ATP1B2: variants seen among roughly 807,000 people sequenced by gnomAD.
ATP1B2 encodes the protein ATPase Na+/K+ transporting subunit beta 2.
Under a neutral mutation model 37.3 loss-of-function variants are expected in ATP1B2, and 12 were observed. That is an observed-to-expected ratio of 0.32 (90% CI 0.21 to 0.52). The LOEUF is 0.52. Among genes scored for constraint, ATP1B2 ranks in the 20% least tolerant of loss-of-function variants. The pLI is 0.96. For missense variants in ATP1B2, 324 were observed against 391.6 expected, an observed-to-expected ratio of 0.83 and a Z score of 1.46; for synonymous variants, 139 against 140.5, an observed-to-expected ratio of 0.99 and a Z score of 0.07.
intron 2 of ATP1B2, 138 bp from the exon 3 acceptor site, chr17:7,653,703 G>A (rs2072628927): frequency 8.1e-7 from 1 of 1,232,952 alleles, no homozygotes; most frequent in South Asian, 1.4e-5. Context: ...ATAGCCACAG[G>A]AGATCACCCT....
rs2072649963 is a variant in ATP1B2 at position 7,656,093 on chromosome 17, C to T, written c.*198C>T. 1 of 684,468 alleles carries T rather than the reference C, an allele frequency of 1.5e-6. No individual in the cohort carries two copies. The highest frequency in any genetic ancestry group is 1.9e-5 in the South Asian group (1 of 51,858). The allele number at this position is 684,468 out of a possible 1,614,324, so 42.4% of individuals were successfully genotyped here. ...TTCCGTCACTCGCCTTTCCCACCAACTTCTCCCAACCTCAGATCAGTCAGA... is the reference window on the plus strand; with the variant it reads ...TTCCGTCACTCGCCTTTCCCACCAATTTCTCCCAACCTCAGATCAGTCAGA... On this transcript the variant is annotated 3_prime_UTR_variant, in exon 7 of 7. Transcript: ENST00000250111.
chr17:7,651,341 C>G lies in ATP1B2; in HGVS notation c.-178C>G. 1.6e-6 allele frequency: 1 copy of G among 606,100 alleles called. No homozygotes were observed. 37.5% of individuals were successfully genotyped at this position (606,100 alleles called of 1,614,324 possible). A position where few individuals can be genotyped will look rare whatever the true frequency, so the allele number is the denominator to read the frequency against. The stretch of plus-strand genomic sequence containing the variant: ...ATCTTCCGCCGCGCTGCCAGCACCC[C>G]GCAGCGCGTGGTCGTGCACCCCGGA... On this transcript the variant is annotated 5_prime_UTR_variant, in exon 1 of 7. Coordinates refer to ENST00000250111, the MANE Select transcript of ATP1B2 (RefSeq NM_001678.5).
upstream of ATP1B2, among the ~76,000 whole-genome samples, chr17:7,650,603 T>G (rs769395698): frequency 5.3e-5 from 8 of 152,170 alleles, no homozygotes; most frequent in Non-Finnish European, 1.2e-4. Flanking sequence ...ACTCCCTGCC[T>G]GGGGCCCCCA....
chr17:7,651,657 G>T (rs1044930489), intron 1 of ATP1B2, 27 bp downstream of exon 1: 7 of 1,559,916 alleles, frequency 4.5e-6, no homozygotes, highest in Non-Finnish European at 6.1e-6. Context: ...CGCAAGGGGC[G>T]GGGGAAAGCC....
In ATP1B2 at chr17:7,652,222, G is replaced by A. The variant is rs577955508; in HGVS notation, c.112+592G>A. Among the ~76,000 whole-genome samples, 19 of 152,226 alleles carry A rather than the reference G, an allele frequency of 1.2e-4. No homozygotes were observed. In the South Asian group the frequency reaches 3.1e-3, roughly 25 times the overall value. ...TTTTGCTCCCATGTCGGTGACGGAG[G>A]GAGGAGTGGTCGCTGTGGTGATTTG... On this transcript the variant is annotated intron_variant, in intron 1 of 6. Transcript: ENST00000250111.
rs778329936 is a variant in ATP1B2 at position 7,651,644 on chromosome 17, G to T, written c.112+14G>T. On this transcript the variant is annotated intron_variant, in intron 1 of 6. Coordinates refer to ENST00000250111, the MANE Select transcript of ATP1B2 (RefSeq NM_001678.5). ...GGACCAGCTGGGGTACGCAGGGCCG[G>T]CACGCAAGGGGCGGGGGAAAGCCGC... The T allele has an allele frequency of 3.8e-6, 6 of 1,579,072 alleles. 1 individual carries two copies. The South Asian group carries it at 6.9e-5, about 18-fold the overall frequency.
In ATP1B2 at chr17:7,654,356, AAG is replaced by A. The variant is rs1483605332; in HGVS notation, c.552+101_552+102del. ...TTCACTGGGGCTAATGGGCATGAGAAAGACTTGGATGTTTGTGTAGCTGAGAG... is the reference window on the plus strand; with the variant it reads ...TTCACTGGGGCTAATGGGCATGAGAAACTTGGATGTTTGTGTAGCTGAGAG... On this transcript the variant is annotated intron_variant, in intron 4 of 6. Transcript: ENST00000250111. This position sits in a 1 kb window ranked among gnomAD's most constrained non-coding sequence, Gnocchi z 4.9. 4 of 1,375,108 alleles carry A rather than the reference AAG, an allele frequency of 2.9e-6. No individual in the cohort carries two copies. Among genetic ancestry groups the A allele is most frequent in the Non-Finnish European group, 3.1e-6 (3 of 979,924 alleles). The allele number at this position is 1,375,108 out of a possible 1,614,324, so 85.2% of individuals were successfully genotyped here. A position where few individuals can be genotyped will look rare whatever the true frequency, so the allele number is the denominator to read the frequency against.
rs764180280 is a variant in ATP1B2 at position 7,654,243 on chromosome 17, A to C, written c.538A>C (p.Ile180Leu). The C allele has an allele frequency of 8.7e-6, 14 of 1,613,984 alleles. 1 individual carries two copies. The highest frequency in any genetic ancestry group is 6.7e-5 in the African/African-American group (5 of 75,052). Residue 180 changes from isoleucine to leucine, a missense_variant, in exon 4 of 7, where the codon ATC becomes CTC. Physicochemically the swap from Ile to Leu is conservative, Grantham distance 5. Coordinates refer to ENST00000250111, the MANE Select transcript of ATP1B2 (RefSeq NM_001678.5). The surrounding 1 kb of genome is among the most constrained non-coding windows in gnomAD (Gnocchi z 4.9). ...GYSTGQPCVF[I>L]KMNRVINFYA... The stretch of plus-strand genomic sequence containing the variant: ...CAGCACTGGGCAGCCCTGTGTCTTC[A>C]TCAAGATGAACCGGGTATCTATGAC...
In ATP1B2 at chr17:7,653,458, T is replaced by C. The variant is rs370988866; in HGVS notation, c.197T>C (p.Val66Ala). 5 of 1,613,926 alleles carry C rather than the reference T, an allele frequency of 3.1e-6. No homozygotes were observed. The African/African-American group carries it at 6.7e-5, about 22-fold the overall frequency. The change falls in exon 2 of 7, where the codon GTC becomes GCC. Residue 66 changes from valine (V) to alanine (A), a missense_variant. By Grantham distance (64) the Val-to-Ala change is moderately conservative. Transcript: ENST00000250111. ...TLTMWVMLQT[V>A]SDHTPKYQDR... ...ACCATGTGGGTGATGCTGCAGACTGTCTCCGACCATACCCCCAAGTACCAG... is the reference window on the plus strand; with the variant it reads ...ACCATGTGGGTGATGCTGCAGACTGCCTCCGACCATACCCCCAAGTACCAG...
intron 1 of ATP1B2, among the ~76,000 whole-genome samples, chr17:7,652,372 CG>C (rs2072620179): frequency 6.6e-6 from 1 of 151,788 alleles, no homozygotes. Flanking sequence ...GTCTGGTGAC[CG>C]GCACAGGTGC....
rs2072626224 is a variant in ATP1B2 at position 7,653,399 on chromosome 17, T to C, written c.138T>C (p.Val46=). 6.2e-7 allele frequency: 1 copy of C among 1,613,976 alleles called. No homozygotes were observed. Among genetic ancestry groups the C allele is most frequent in the Admixed American group, 1.7e-5 (1 of 59,992 alleles). ...SWAFILLFYL[V]FYGFLTAMFT... ...CCTTTATCCTCCTCTTCTACCTCGT[T>C]TTTTATGGGTTCCTCACCGCCATGT... is the stretch of plus-strand genomic sequence containing the variant. The change falls in exon 2 of 7, where the codon GTT becomes GTC. Residue 46 remains valine, a synonymous_variant. Coordinates refer to ENST00000250111, the MANE Select transcript of ATP1B2 (RefSeq NM_001678.5).
chr17:7,653,013 C>T (rs2072623866), intron 1 of ATP1B2, among the ~76,000 whole-genome samples: 1 of 152,140 alleles, frequency 6.6e-6, no homozygotes. Context: ...TAAAAGGCAC[C>T]ATGCTAGCAC....
Position 7,655,987 on chromosome 17 carries a change from T to C in ATP1B2, c.*92T>C, listed in dbSNP as rs181414828. 1.7e-5 allele frequency: 26 copies of C among 1,506,578 alleles called. No homozygotes were observed. The highest frequency in any genetic ancestry group is 4.1e-5 in the African/African-American group (3 of 72,754). 93.3% of individuals were successfully genotyped at this position (1,506,578 alleles called of 1,614,324 possible). A position where few individuals can be genotyped will look rare whatever the true frequency, so the allele number is the denominator to read the frequency against. ...CCCTCCCTCACCCACCCCAAAGGTA[T>C]TTTTGATAACAGAGCTATGACTTGT... On this transcript the variant is annotated 3_prime_UTR_variant, in exon 7 of 7. Transcript: ENST00000250111. This position sits in a 1 kb window ranked among gnomAD's most constrained non-coding sequence, Gnocchi z 4.4.
At chr17:7,647,099 CAAAAAAAAAAA>C (rs34937578), upstream of ATP1B2, among the ~76,000 whole-genome samples, 1 of 78,312 alleles carries the variant, frequency 1.3e-5, no homozygotes, top group Non-Finnish European at 2.6e-5. Flanking sequence ...GAGACTATCT[CAAAAAAAAAAA>C]AAAAAAAAAA....
At chr17:7,647,744 G>A (rs1450413859), upstream of ATP1B2, among the ~76,000 whole-genome samples, 4 of 151,998 alleles carry the variant, frequency 2.6e-5, no homozygotes, top group Non-Finnish European at 5.9e-5. Flanking sequence ...GCTTGAACCC[G>A]GGAGGTGGAA....
At position 7,654,437 on chromosome 17, in the gene ATP1B2, G is replaced by A. The variant is rs2072636097; in HGVS notation, c.552+180G>A. On this transcript the variant is annotated intron_variant, in intron 4 of 6. Transcript: ENST00000250111. This position sits in a 1 kb window ranked among gnomAD's most constrained non-coding sequence, Gnocchi z 4.9. ...AAGCTCTGCAGTTAGAAGGCTGGAT[G>A]CCTTTTGTTTTTTTTTTAGACAGGG... is the stretch of plus-strand genomic sequence containing the variant. 6.6e-6 allele frequency among the ~76,000 whole-genome samples: 1 copy of A among 151,982 alleles called. No homozygotes were observed. The highest frequency in any genetic ancestry group is 1.5e-5 in the Non-Finnish European group (1 of 68,014).
intron 1 of ATP1B2, among the ~76,000 whole-genome samples, chr17:7,652,803 G>A (rs1232632326): frequency 1.3e-5 from 2 of 152,136 alleles, no homozygotes; most frequent in African/African-American, 2.4e-5. Context: ...CTGAGGGTGG[G>A]GTGACTGTTG....
intron 1 of ATP1B2, 66 bp downstream of exon 1, chr17:7,651,696 C>A: frequency 7.1e-7 from 1 of 1,400,548 alleles, no homozygotes; most frequent in South Asian, 1.3e-5. Context: ...GGCGCAGGGT[C>A]CCGCCGACGC....
At position 7,654,628 on chromosome 17, in the gene ATP1B2, G is replaced by A. The variant is rs2072637338; in HGVS notation, c.553G>A (p.Val185Ile). ...QPCVFIKMNR[V>I]INFYAGANQS... ...TCTTCACCTTCCACCCTCACTCCAG[G>A]TCATCAACTTCTATGCAGGAGCAAA... is the stretch of plus-strand genomic sequence containing the variant. The change falls in exon 5 of 7, where the codon GTC (valine) becomes ATC (isoleucine). Residue 185 changes from valine to isoleucine, a missense_variant and splice_region_variant. By Grantham distance (29) the Val-to-Ile change is conservative. Coordinates refer to ENST00000250111, the MANE Select transcript of ATP1B2 (RefSeq NM_001678.5). The surrounding 1 kb of genome is among the most constrained non-coding windows in gnomAD (Gnocchi z 4.9). 6.2e-6 allele frequency: 10 copies of A among 1,614,040 alleles called. No homozygotes were observed. Among genetic ancestry groups the A allele is most frequent in the Non-Finnish European group, 5.9e-6 (7 of 1,179,980 alleles).
Sources: allele counts gnomAD v4.1 joint callset (sites outside exome capture counted in the v4.1 genomes callset), GRCh38; gene constraint gnomAD v4.1.1; non-coding constraint Gnocchi (gnomAD v3.1); transcripts MANE v1.5; gene names NCBI Gene and HGNC (gene_info 2026-07-23, HGNC 2026-07-21).